The following SEC22A variants were observed in gnomAD, a reference collection of about 807,000 sequenced individuals.
SEC22A encodes vesicle-trafficking protein SEC22a.
SEC22A carries 22 observed loss-of-function variants against 35.3 expected under a neutral mutation model. The ratio of observed to expected loss-of-function variants is 0.62; its 90% CI spans 0.45 to 0.89. The LOEUF is 0.89. Ranked by LOEUF, SEC22A falls within the 40% of genes least tolerant of loss-of-function variation. The pLI, the probability that SEC22A is intolerant of heterozygous loss-of-function variation, is 0.00. For missense variants in SEC22A, 354 were observed against 362.5 expected (o/e 0.98, Z 0.19); for synonymous variants, 119 against 129.5 (o/e 0.92, Z 0.55).
intron 3 of SEC22A, among the ~76,000 whole-genome samples, chr3:123,224,488 ATC>A (rs779945946): frequency 2.6e-5 from 4 of 152,174 alleles, no homozygotes; most frequent in Non-Finnish European, 4.4e-5. Flanking sequence ...TGAGATAGGA[ATC>A]TCTATAAAAA....
intron 6 of SEC22A, among the ~76,000 whole-genome samples, chr3:123,266,038 T>C (rs1938017910): frequency 6.6e-6 from 1 of 152,224 alleles, no homozygotes; most frequent in Non-Finnish European, 1.5e-5. Context: ...TTTGTGTTTT[T>C]TGAGGAAATG....
At chr3:123,247,900 G>A (rs1406489474) in intron 5 of SEC22A, among the ~76,000 whole-genome samples, 1 of 152,144 alleles carries the variant, frequency 6.6e-6, no homozygotes, top group Non-Finnish European at 1.5e-5. Flanking sequence ...GTATGCGGGG[G>A]CCAGTCACCC....
At chr3:123,227,660 C>G (rs1163820083) in intron 4 of SEC22A, among the ~76,000 whole-genome samples, 2 of 152,044 alleles carry the variant, frequency 1.3e-5, no homozygotes, top group Non-Finnish European at 2.9e-5. Flanking sequence ...AAAGCAAACA[C>G]ATTTATCATT....
At chr3:123,224,102 A>G (rs887577267) in intron 3 of SEC22A, among the ~76,000 whole-genome samples, 1 of 152,212 alleles carries the variant, frequency 6.6e-6, no homozygotes, top group Admixed American at 6.5e-5. Context: ...TTTAAGGATC[A>G]TATAGTCCCT....
At chr3:123,270,093 G>C (rs192064158) in intron 6 of SEC22A, among the ~76,000 whole-genome samples, 84 of 152,258 alleles carry the variant, frequency 5.5e-4, no homozygotes, top group Middle Eastern at 3.4e-3. Context: ...TAAGAGTATT[G>C]AATCAATGTT....
At position 123,269,215 on chromosome 3, in the gene SEC22A, G is replaced by GTGTGTGTGTGTATATATATATA. The variant is rs10642998; in HGVS notation, c.724-2306_724-2305insGTGTGTGTGTATATATATATAT. On this transcript the variant is annotated intron_variant, in intron 6 of 6. Coordinates refer to ENST00000492595, the MANE Select transcript of SEC22A (RefSeq NM_012430.5). ...TGTGTGTGTGTGTGTGTGTGTGTGT[G>GTGTGTGTGTGTATATATATATA]TATATATTACTGGAAATGCTAGCTC... Among the ~76,000 whole-genome samples the GTGTGTGTGTGTATATATATATA allele has an allele frequency of 2.9e-5, 4 of 136,780 alleles. No homozygotes were observed. The Admixed American group carries it at 3.0e-4, about 10-fold the overall frequency. 89.7% of individuals were successfully genotyped at this position (136,780 alleles called of 152,430 possible). A position where few individuals can be genotyped will look rare whatever the true frequency, so the allele number is the denominator to read the frequency against.
rs75552196 is a variant in SEC22A at position 123,220,596 on chromosome 3, A to G, written c.183-2963A>G. 0.012 allele frequency among the ~76,000 whole-genome samples: 1,770 copies of G among 152,180 alleles called. 67 individuals carry two copies. In the East Asian group the frequency reaches 0.13, roughly 11 times the overall value. ...AAAAGTTTTATGAAACAATATTCCA[A>G]TATTTTCTGTTATATTTTATTTCAA... On this transcript the variant is annotated intron_variant, in intron 2 of 6. Coordinates refer to ENST00000492595, the MANE Select transcript of SEC22A (RefSeq NM_012430.5).
Position 123,272,976 on chromosome 3 carries a change from T to C in SEC22A, c.*1254T>C, listed in dbSNP as rs955769919. 6.5e-6 allele frequency: 1 copy of C among 153,800 alleles called. No homozygotes were observed. The highest frequency in any genetic ancestry group is 2.4e-5 in the African/African-American group (1 of 41,456). 9.5% of individuals were successfully genotyped at this position (153,800 alleles called of 1,614,324 possible). A position where few individuals can be genotyped will look rare whatever the true frequency, so the allele number is the denominator to read the frequency against. ...GTTTTAAAGATTGTTTAAGCAGTTA[T>C]GAATTAATAATATAGGAAGCACAGT... is the stretch of plus-strand genomic sequence containing the variant. On this transcript the variant is annotated 3_prime_UTR_variant, in exon 7 of 7. Coordinates refer to ENST00000492595, the MANE Select transcript of SEC22A (RefSeq NM_012430.5).
chr3:123,235,723 G>A (rs185116625), intron 4 of SEC22A, among the ~76,000 whole-genome samples: 32 of 152,306 alleles, frequency 2.1e-4, no homozygotes, highest in Non-Finnish European at 2.9e-4. Flanking sequence ...AAAAATATGT[G>A]TATGAATGTA....
intron 2 of SEC22A, among the ~76,000 whole-genome samples, chr3:123,216,677 C>G (rs1937032591): frequency 6.6e-6 from 1 of 152,138 alleles, no homozygotes; most frequent in African/African-American, 2.4e-5. Flanking sequence ...GTAATGGACA[C>G]TCAGTGTTAC....
chr3:123,226,495 T>C (rs1474227863), intron 4 of SEC22A, among the ~76,000 whole-genome samples: 1 of 152,240 alleles, frequency 6.6e-6, no homozygotes, highest in Non-Finnish European at 1.5e-5. Context: ...GTATGTCTCT[T>C]TTGAGAAATG....
At chr3:123,212,571 A>G (rs1412752047) in intron 2 of SEC22A, among the ~76,000 whole-genome samples, 3 of 152,154 alleles carry the variant, frequency 2.0e-5, no homozygotes, top group Non-Finnish European at 4.4e-5. Flanking sequence ...AATTAAAAAA[A>G]TTTATTTTGA....
At chr3:123,236,150 G>A (rs993958675) in intron 4 of SEC22A, among the ~76,000 whole-genome samples, 9 of 152,084 alleles carry the variant, frequency 5.9e-5, no homozygotes, top group South Asian at 2.1e-4. Flanking sequence ...CTGAGTATAC[G>A]AAAAACTCCT....
intron 6 of SEC22A, among the ~76,000 whole-genome samples, chr3:123,263,161 T>A (rs1937930761): frequency 6.6e-6 from 1 of 152,250 alleles, no homozygotes; most frequent in Admixed American, 6.5e-5. Flanking sequence ...TGGAATTATA[T>A]AGTATATAAC....
At chr3:123,234,245 C>CT (rs1937377689) in intron 4 of SEC22A, among the ~76,000 whole-genome samples, 1 of 152,092 alleles carries the variant, frequency 6.6e-6, no homozygotes, top group South Asian at 2.1e-4. Context: ...AAAATCCCGG[C>CT]TTTTTTTGTA....
intron 2 of SEC22A, among the ~76,000 whole-genome samples, chr3:123,220,867 C>CATTTATATATATATATATATATATATAT (rs1937107960): frequency 1.0e-5 from 1 of 97,530 alleles, no homozygotes; most frequent in Non-Finnish European, 2.3e-5. Context: ...AAAAAGGTCT[C>CATTTATATATATATATATATATATATAT]ATATATATAT....
chr3:123,268,258 T>G (rs543122605), intron 6 of SEC22A, among the ~76,000 whole-genome samples: 1 of 152,340 alleles, frequency 6.6e-6, no homozygotes, highest in Admixed American at 6.5e-5. Context: ...TTTCCTGGTC[T>G]TTTACCAGAG....
chr3:123,205,913 G>A (rs113926143), intron 1 of SEC22A, among the ~76,000 whole-genome samples: 2,776 of 152,212 alleles, frequency 0.018, 49 homozygotes, highest in Non-Finnish European at 0.025. Flanking sequence ...TTTGGTAAAC[G>A]AATGGAACTT....
At chr3:123,248,927 A>G (rs1375925282) in intron 5 of SEC22A, among the ~76,000 whole-genome samples, 1 of 152,126 alleles carries the variant, frequency 6.6e-6, no homozygotes, top group Non-Finnish European at 1.5e-5. Context: ...ATCTGCCTGG[A>G]GTTAACCCAG....
Sources: allele counts gnomAD v4.1 joint callset (sites outside exome capture counted in the v4.1 genomes callset), GRCh38; gene constraint gnomAD v4.1.1; transcripts MANE v1.5; gene names NCBI Gene and HGNC (gene_info 2026-07-23, HGNC 2026-07-21).